The following USH2A variants were observed in gnomAD, a reference collection of about 807,000 sequenced individuals.
USH2A encodes Usher syndrome 2A (autosomal recessive, mild).
A neutral mutation model predicts 538.9 loss-of-function variants in USH2A; 443 were observed. That is an observed-to-expected ratio of 0.82 (90% confidence interval 0.76 to 0.89). USH2A has a LOEUF of 0.89. Ranked by LOEUF, USH2A falls within the 40% of genes least tolerant of loss-of-function variation. USH2A has a pLI of 0.00. For missense variants in USH2A, 6,633 were observed against 6,324.8 expected (o/e 1.05, Z -1.65); for synonymous variants, 2,413 against 2,273.5 (o/e 1.06, Z -1.75).
chr1:215,669,694 G>A (rs1213046892), intron 64 of USH2A, among the ~76,000 whole-genome samples: 1 of 152,056 alleles, frequency 6.6e-6, no homozygotes, highest in Non-Finnish European at 1.5e-5. Flanking sequence ...TTTTAGACTT[G>A]GAATTGCAAA....
intron 46 of USH2A, among the ~76,000 whole-genome samples, chr1:215,843,409 A>G (rs2102821057): frequency 6.6e-6 from 1 of 152,272 alleles, no homozygotes; most frequent in South Asian, 2.1e-4. Context: ...TGGTACTCCA[A>G]CAAGATTTCC....
At chr1:215,939,631 G>T (rs1228959021) in intron 37 of USH2A, among the ~76,000 whole-genome samples, 2 of 152,076 alleles carry the variant, frequency 1.3e-5, no homozygotes, top group East Asian at 3.9e-4. Flanking sequence ...GTATGACTCA[G>T]GGATGCGTAA....
At chr1:216,175,615 G>T in intron 20 of USH2A, 133 bp from the exon 21 acceptor site, 1 of 881,880 alleles carries the variant, frequency 1.1e-6, no homozygotes, top group Non-Finnish European at 1.8e-6. Flanking sequence ...TCAAGTATCT[G>T]TATGGCTCTA....
Position 215,634,446 on chromosome 1 carries a change from T to C in USH2A, c.15297+13A>G. On this transcript the variant is annotated intron_variant, in intron 70 of 71. Coordinates refer to ENST00000307340, the MANE Select transcript of USH2A (RefSeq NM_206933.4). ...AGTGATAGGGAAATGGGGCCACACC[T>C]CTACAAACATACCATATGGTTTTCC... The C allele has an allele frequency of 6.2e-7, 1 of 1,614,168 alleles. No homozygotes were observed. The highest frequency in any genetic ancestry group is 8.5e-7 in the Non-Finnish European group (1 of 1,180,026).
chr1:215,670,937 A>G, intron 64 of USH2A, 35 bp downstream of exon 64: 1 of 1,609,298 alleles, frequency 6.2e-7, no homozygotes, highest in South Asian at 1.1e-5. Context: ...GGTGCAAACA[A>G]TCAGCTCGAA....
intron 71 of USH2A, among the ~76,000 whole-genome samples, chr1:215,627,724 C>G (rs1332965897): frequency 6.6e-6 from 1 of 152,030 alleles, no homozygotes. Flanking sequence ...CGAGGTTTCA[C>G]CATGTTGGTC....
rs183035977 is a variant in USH2A, at chr1:216,370,464, G to A, written c.652-5379C>T. ...GTAAGTGGATCACGAGGTAGGTAAA[G>A]AGGTAAAGAGTTCAAAACCAGCCTG... On this transcript the variant is annotated intron_variant, in intron 3 of 71. Coordinates refer to ENST00000307340, the MANE Select transcript of USH2A (RefSeq NM_206933.4). Among the ~76,000 whole-genome samples the A allele has an allele frequency of 1.5e-3, 225 of 151,958 alleles. 1 individual carries two copies. Among genetic ancestry groups the A allele is most frequent in the Non-Finnish European group, 2.1e-3 (142 of 67,962 alleles).
At chr1:216,253,413 G>A (rs1329381028) in intron 11 of USH2A, among the ~76,000 whole-genome samples, 9 of 151,906 alleles carry the variant, frequency 5.9e-5, no homozygotes, top group Non-Finnish European at 7.4e-5. Context: ...TGATCTGTCC[G>A]CCTCGGCCTC....
chr1:215,915,070 T>C (rs1665918318), intron 38 of USH2A, among the ~76,000 whole-genome samples: 1 of 152,116 alleles, frequency 6.6e-6, no homozygotes, highest in African/African-American at 2.4e-5. Flanking sequence ...ATCATCACAC[T>C]GAATCCTCCT....
intron 64 of USH2A, among the ~76,000 whole-genome samples, chr1:215,662,585 C>A (rs1392609160): frequency 6.6e-6 from 1 of 152,100 alleles, no homozygotes; most frequent in South Asian, 2.1e-4. Flanking sequence ...AGGCTCGATG[C>A]AAAAAATGAT....
chr1:216,025,391 A>G (rs1444701046), intron 32 of USH2A, among the ~76,000 whole-genome samples: 1 of 151,888 alleles, frequency 6.6e-6, no homozygotes, highest in Non-Finnish European at 1.5e-5. Flanking sequence ...TAATTTTACA[A>G]TATTTTTATT....
At chr1:215,854,896 C>T (rs144940747) in intron 44 of USH2A, among the ~76,000 whole-genome samples, 133 of 152,320 alleles carry the variant, frequency 8.7e-4, no homozygotes, top group African/African-American at 2.9e-3. Flanking sequence ...TGCCTTGCCC[C>T]CAGGTAGCCT....
chr1:215,640,873 A>G (rs1656662361), intron 67 of USH2A, 139 bp from the exon 68 acceptor site: 1 of 938,526 alleles, frequency 1.1e-6, no homozygotes, highest in Middle Eastern at 3.0e-4. Flanking sequence ...GAAAACCAAC[A>G]TTGCTAGAAT....
chr1:215,985,996 C>T (rs965034065), intron 35 of USH2A, among the ~76,000 whole-genome samples: 2 of 152,160 alleles, frequency 1.3e-5, no homozygotes, highest in African/African-American at 4.8e-5. Context: ...TAAATTCTCA[C>T]AAAGATGGGC....
At chr1:215,706,443 G>A (rs1659185655) in intron 61 of USH2A, among the ~76,000 whole-genome samples, 1 of 152,062 alleles carries the variant, frequency 6.6e-6, no homozygotes, top group Admixed American at 6.6e-5. Flanking sequence ...CAATAATTTG[G>A]CCATAAGTCA....
chr1:216,002,687 T>G (rs1668293264), intron 32 of USH2A, among the ~76,000 whole-genome samples: 1 of 152,108 alleles, frequency 6.6e-6, no homozygotes, highest in South Asian at 2.1e-4. Flanking sequence ...GCCAGTGAAC[T>G]CTTTGGAGTG....
chr1:216,387,202 C>T (rs375392514), intron 3 of USH2A, among the ~76,000 whole-genome samples: 1 of 152,146 alleles, frequency 6.6e-6, no homozygotes, highest in Non-Finnish European at 1.5e-5. Flanking sequence ...CTGAAACTTA[C>T]CAACTTGATA....
At chr1:215,682,938 A>C (rs1480487825) in intron 61 of USH2A, among the ~76,000 whole-genome samples, 3 of 151,850 alleles carry the variant, frequency 2.0e-5, no homozygotes, top group Non-Finnish European at 4.4e-5. Flanking sequence ...GGCTCGGTGC[A>C]GCCTTGAACT....
chr1:216,090,560 C>T (rs1410647404), intron 22 of USH2A, among the ~76,000 whole-genome samples: 1 of 151,920 alleles, frequency 6.6e-6, no homozygotes, highest in East Asian at 1.9e-4. Context: ...AAGTTCTAGT[C>T]TTCGTATTTT....
Sources: gnomAD v4.1 joint callset for allele counts (sites outside exome capture counted in the v4.1 genomes callset) on GRCh38, gnomAD v4.1.1 for gene constraint, MANE v1.5 for transcripts, NCBI Gene and HGNC (gene_info 2026-07-23, HGNC 2026-07-21) for gene names.